The following SLC4A4 variants were observed in gnomAD, a reference collection of about 807,000 sequenced individuals.
SLC4A4 encodes the protein electrogenic sodium bicarbonate cotransporter 1.
SLC4A4 carries 27 observed loss-of-function variants against 111.5 expected under a neutral mutation model. The ratio of observed to expected loss-of-function variants is 0.24; its 90% confidence interval spans 0.18 to 0.33. The LOEUF is 0.33. Among genes scored for constraint, SLC4A4 ranks in the 10% least tolerant of loss-of-function variants. The pLI is 1.00. For missense variants in SLC4A4, 909 were observed against 1,315.5 expected (o/e 0.69, Z 4.78); for synonymous variants, 443 against 463.4 (o/e 0.96, Z 0.57).
chr4:71,532,465 A>G (rs906321524), intron 17 of SLC4A4, among the ~76,000 whole-genome samples: 1 of 152,100 alleles, frequency 6.6e-6, no homozygotes, highest in Non-Finnish European at 1.5e-5. Flanking sequence ...ACCTTGATCT[A>G]TATAATGACT....
intron 2 of SLC4A4, among the ~76,000 whole-genome samples, chr4:71,147,920 G>C (rs754253436): frequency 6.6e-6 from 1 of 152,166 alleles, no homozygotes; most frequent in Non-Finnish European, 1.5e-5. Context: ...TGACTCTAGA[G>C]GGAACTGGGC....
intron 7 of SLC4A4, among the ~76,000 whole-genome samples, chr4:71,408,221 C>A (rs567029815): frequency 6.6e-6 from 1 of 152,118 alleles, no homozygotes; most frequent in African/African-American, 2.4e-5. Flanking sequence ...AAACATCCAT[C>A]CAGGATCATA....
chr4:71,558,603 TAAAAC>T (rs1335489148), intron 22 of SLC4A4, among the ~76,000 whole-genome samples: 3 of 151,964 alleles, frequency 2.0e-5, no homozygotes, highest in Admixed American at 6.6e-5. Flanking sequence ...TATGTACACT[TAAAAC>T]AAGTCACAAA....
rs187666554 is a variant in SLC4A4 at position 71,426,969 on chromosome 4, G to C, written c.808-13647G>C. Reference sequence around the variant, plus strand: ...GTGCTACATATATGCCATATTTGCAGTGAAATAAGAATTTATTAAGAAATA... The same window carrying C: ...GTGCTACATATATGCCATATTTGCACTGAAATAAGAATTTATTAAGAAATA... On this transcript the variant is annotated intron_variant, in intron 7 of 25. Transcript: ENST00000264485. Among the ~76,000 whole-genome samples, 199 of 152,134 alleles carry C rather than the reference G, an allele frequency of 1.3e-3. 2 individuals carry two copies. Among genetic ancestry groups the C allele is most frequent in the Admixed American group, 4.9e-3 (75 of 15,240 alleles).
chr4:71,532,194 T>G lies in SLC4A4; in HGVS notation c.2280+19T>G. 7.5e-7 allele frequency: 1 copy of G among 1,340,814 alleles called. No homozygotes were observed. The highest frequency in any genetic ancestry group is 1.1e-6 in the Non-Finnish European group (1 of 930,888). The allele number at this position is 1,340,814 out of a possible 1,614,324, so 83.1% of individuals were successfully genotyped here. A position where few individuals can be genotyped will look rare whatever the true frequency, so the allele number is the denominator to read the frequency against. ...GTTCAAGGTAGGTGAATGTCTATCT[T>G]TTGGTCATTCCTGGAACTCTTTTTC... is the stretch of plus-strand genomic sequence containing the variant. On this transcript the variant is annotated intron_variant, in intron 17 of 25. Coordinates refer to ENST00000264485, the MANE Select transcript of SLC4A4 (RefSeq NM_001098484.3).
intron 2 of SLC4A4, among the ~76,000 whole-genome samples, chr4:71,113,882 G>C (rs1297860925): frequency 6.6e-6 from 1 of 152,132 alleles, no homozygotes. Context: ...TCCTTTATGG[G>C]AGATATCTTT....
At chr4:71,197,546 C>T (rs1286259360) in intron 1 of SLC4A4, among the ~76,000 whole-genome samples, 1 of 152,052 alleles carries the variant, frequency 6.6e-6, no homozygotes, top group African/African-American at 2.4e-5. Flanking sequence ...CTAGAAGTTG[C>T]AAAAATACAG....
At chr4:71,465,085 A>G (rs1727189564) in intron 12 of SLC4A4, among the ~76,000 whole-genome samples, 1 of 152,084 alleles carries the variant, frequency 6.6e-6, no homozygotes, top group African/African-American at 2.4e-5. Flanking sequence ...ACTGAGGGAC[A>G]CTGCAGATTC....
At chr4:71,274,664 A>G (rs1400875416) in intron 3 of SLC4A4, among the ~76,000 whole-genome samples, 1 of 152,140 alleles carries the variant, frequency 6.6e-6, no homozygotes, top group Non-Finnish European at 1.5e-5. Flanking sequence ...ATGATAGAGC[A>G]GAGAAAACAC....
At chr4:71,268,838 G>C (rs1411561218) in intron 3 of SLC4A4, among the ~76,000 whole-genome samples, 1 of 152,186 alleles carries the variant, frequency 6.6e-6, no homozygotes, top group Non-Finnish European at 1.5e-5. Context: ...AGTTCAGAGG[G>C]CATTCAGGGA....
chr4:71,186,647 A>T (rs1745461450), upstream of SLC4A4: 1 of 151,524 alleles, frequency 6.6e-6, no homozygotes, highest in Admixed American at 6.6e-5. Context: ...CGGGCGGCTG[A>T]CGCCGAGCAG....
chr4:71,285,228 A>T (rs1052680427), intron 3 of SLC4A4, among the ~76,000 whole-genome samples: 16 of 152,176 alleles, frequency 1.1e-4, no homozygotes, highest in African/African-American at 3.6e-4. Flanking sequence ...CTCAAGATAA[A>T]TGATGCCGTC....
At chr4:71,391,267 A>G (rs888923554) in intron 6 of SLC4A4, among the ~76,000 whole-genome samples, 3 of 152,114 alleles carry the variant, frequency 2.0e-5, no homozygotes, top group African/African-American at 7.2e-5. Flanking sequence ...TTAAGAATAA[A>G]AAAAGATTCA....
intron 3 of SLC4A4, among the ~76,000 whole-genome samples, chr4:71,330,192 T>C (rs2148877329): frequency 6.6e-6 from 1 of 152,286 alleles, no homozygotes; most frequent in Admixed American, 6.5e-5. Flanking sequence ...CTTTTTAATG[T>C]GTGTTGAATT....
rs1383209554 is a variant in SLC4A4 at position 71,163,374 on chromosome 4, C to G, written c.-2+70582C>G. 2.0e-5 allele frequency among the ~76,000 whole-genome samples: 3 copies of G among 152,192 alleles called. No individual in the cohort carries two copies. The South Asian group carries it at 6.2e-4, about 31-fold the overall frequency. ...GTAATAGACTGCTTTGCTAGATATTCTAGTCTTAGTATTTCTATACTTCCC... is the reference window on the plus strand; with the variant it reads ...GTAATAGACTGCTTTGCTAGATATTGTAGTCTTAGTATTTCTATACTTCCC... On this transcript the variant is annotated intron_variant, in intron 2 of 26. Transcript: ENST00000649996.
At chr4:71,351,374 G>GA (rs1446898042) in intron 5 of SLC4A4, among the ~76,000 whole-genome samples, 1 of 152,172 alleles carries the variant, frequency 6.6e-6, no homozygotes, top group Non-Finnish European at 1.5e-5. Flanking sequence ...TACAGATGAT[G>GA]AAACTGAGGT....
At chr4:71,548,271 C>T (rs1735699844) in intron 20 of SLC4A4, among the ~76,000 whole-genome samples, 1 of 151,758 alleles carries the variant, frequency 6.6e-6, no homozygotes, top group South Asian at 2.1e-4. Flanking sequence ...ATTACTGACT[C>T]ATAATTAGAA....
intron 2 of SLC4A4, among the ~76,000 whole-genome samples, chr4:71,172,014 A>G (rs1744957023): frequency 6.6e-6 from 1 of 152,162 alleles, no homozygotes; most frequent in South Asian, 2.1e-4. Context: ...ATTAGAATTT[A>G]TTTTAAATAA....
chr4:71,129,742 T>A (rs1437132041), intron 2 of SLC4A4, among the ~76,000 whole-genome samples: 1 of 69,952 alleles, frequency 1.4e-5, no homozygotes. Context: ...ATAGACTGAA[T>A]AAAGAAAATG....
Sources: allele counts gnomAD v4.1 joint callset (sites outside exome capture counted in the v4.1 genomes callset), GRCh38; gene constraint gnomAD v4.1.1; transcripts MANE v1.5; gene names NCBI Gene and HGNC (gene_info 2026-07-23, HGNC 2026-07-21).